The following NFIB variants were observed in gnomAD, a reference collection of about 807,000 sequenced individuals.
NFIB encodes nuclear factor I B.
Under a neutral mutation model 61.5 loss-of-function variants are expected in NFIB, and 11 were observed. That is an observed-to-expected ratio of 0.18 (90% confidence interval 0.11 to 0.30). The LOEUF (loss-of-function observed/expected upper bound fraction) is 0.30. NFIB is among the 10% of genes least tolerant of loss of function. The probability of loss-of-function intolerance (pLI) is 1.00; values close to 1 mark genes in which losing one functional copy is unlikely to be tolerated. For missense variants in NFIB, 471 were observed against 608.9 expected (o/e 0.77, Z 2.38); for synonymous variants, 260 against 216.5 (o/e 1.20, Z -1.76).
intron 6 of NFIB, among the ~76,000 whole-genome samples, chr9:14,133,698 T>C (rs2040670753): frequency 6.6e-6 from 1 of 152,156 alleles, no homozygotes; most frequent in Non-Finnish European, 1.5e-5. Context: ...GAGGAAAGTG[T>C]CCAGGTTATT....
intron 8 of NFIB, among the ~76,000 whole-genome samples, chr9:14,119,917 T>C (rs890332739): frequency 1.3e-5 from 2 of 152,236 alleles, no homozygotes; most frequent in Non-Finnish European, 2.9e-5. Context: ...ACGCTTCTAG[T>C]AATGTCACTC....
chr9:14,316,370 G>T (rs557335222), upstream of NFIB, among the ~76,000 whole-genome samples: 1 of 151,968 alleles, frequency 6.6e-6, no homozygotes, highest in African/African-American at 2.4e-5. Context: ...GGGAGGCCGG[G>T]GACGGGGGCT....
At chr9:14,482,803 T>C in the NFIB span, among the ~76,000 whole-genome samples, 1 of 152,232 alleles carries the variant, frequency 6.6e-6, no homozygotes, top group African/African-American at 2.4e-5. Flanking sequence ...TCTCTAATAA[T>C]GCCTCAGTTT....
At chr9:14,243,001 A>G (rs1284856659) in intron 2 of NFIB, among the ~76,000 whole-genome samples, 1 of 152,230 alleles carries the variant, frequency 6.6e-6, no homozygotes, top group African/African-American at 2.4e-5. Flanking sequence ...ATCTAAACAC[A>G]TCAAGATATA....
At chr9:14,375,443 G>A (rs769277657) in intron 1 of NFIB, among the ~76,000 whole-genome samples, 1 of 152,120 alleles carries the variant, frequency 6.6e-6, no homozygotes, top group Non-Finnish European at 1.5e-5. Context: ...GGATCACAAG[G>A]TCAGCAGTTC....
intron 10 of NFIB, among the ~76,000 whole-genome samples, chr9:14,090,912 C>T (rs1158642470): frequency 6.6e-6 from 1 of 152,000 alleles, no homozygotes; most frequent in Non-Finnish European, 1.5e-5. Flanking sequence ...CTCTCTTACT[C>T]AGTTCTTTAG....
At chr9:14,138,726 A>G (rs1451182638) in intron 6 of NFIB, among the ~76,000 whole-genome samples, 1 of 152,148 alleles carries the variant, frequency 6.6e-6, no homozygotes, top group East Asian at 1.9e-4. Context: ...TTCACTTTAC[A>G]ATTCTACTTT....
intron 3 of NFIB, among the ~76,000 whole-genome samples, chr9:14,173,157 G>A (rs2045759193): frequency 6.6e-6 from 1 of 152,164 alleles, no homozygotes; most frequent in Non-Finnish European, 1.5e-5. Flanking sequence ...CTTTTATCAA[G>A]CACCTGCTAT....
At chr9:14,410,197 C>G in the NFIB span, among the ~76,000 whole-genome samples, 2 of 148,776 alleles carry the variant, frequency 1.3e-5, no homozygotes, top group Admixed American at 1.3e-4. Flanking sequence ...CTACTATTTT[C>G]CAAAAAAAAA....
intron 1 of NFIB, among the ~76,000 whole-genome samples, chr9:14,371,530 T>A (rs1277029393): frequency 1.3e-5 from 2 of 152,168 alleles, no homozygotes; most frequent in Non-Finnish European, 2.9e-5. Context: ...CTCTCCTATG[T>A]CTCAGAAATA....
the NFIB span, among the ~76,000 whole-genome samples, chr9:14,476,812 C>T: frequency 2.8e-4 from 42 of 152,178 alleles, no homozygotes; most frequent in African/African-American, 9.9e-4. Context: ...AAGACCAGGA[C>T]CATTTCTCAG....
intron 6 of NFIB, among the ~76,000 whole-genome samples, chr9:14,139,139 G>A (rs547900093): frequency 6.6e-6 from 1 of 152,122 alleles, no homozygotes; most frequent in East Asian, 1.9e-4. Context: ...GCAGGCTGCA[G>A]GATAACAGAA....
intron 1 of NFIB, among the ~76,000 whole-genome samples, chr9:14,376,517 C>CTTTTTTTTTTTTTTTTTTTTTTTT (rs781462864): frequency 7.8e-6 from 1 of 128,430 alleles, no homozygotes. Flanking sequence ...CTAAAAGTGT[C>CTTTTTTTTTTTTTTTTTTTTTTTT]ATTTTTTTTT....
chr9:14,438,011 A>AGTGTGTGT, the NFIB span, among the ~76,000 whole-genome samples: 5 of 150,118 alleles, frequency 3.3e-5, no homozygotes, highest in African/African-American at 9.8e-5. Flanking sequence ...CCCCCATCCT[A>AGTGTGTGT]GTGTGTGTGT....
rs536887899 is a variant in NFIB at position 14,290,591 on chromosome 9, C to T, written c.562+16398G>A. Among the ~76,000 whole-genome samples, 13 of 152,134 alleles carry T rather than the reference C, an allele frequency of 8.5e-5. No homozygotes were observed. In the South Asian group the frequency reaches 2.5e-3, roughly 29 times the overall value. ...AACATTAAAACTCACAGCAAGATTC[C>T]AGAATACGTGCTATTGCTAATACAG... On this transcript the variant is annotated intron_variant, in intron 2 of 10. Transcript: ENST00000380953.
chr9:14,424,988 GC>G, the NFIB span, among the ~76,000 whole-genome samples: 1 of 152,170 alleles, frequency 6.6e-6, no homozygotes, highest in African/African-American at 2.4e-5. Flanking sequence ...CCCCCCCTGG[GC>G]CTTTGCTCTA....
rs764130163 is a variant in NFIB, at chr9:14,150,013, A to G, written c.806+132T>C. The stretch of plus-strand genomic sequence containing the variant: ...CAAATAAATTTAACCAGGAAAGATT[A>G]AAAATCTGTGTACTACCAGCAAAAA... On this transcript the variant is annotated intron_variant, in intron 5 of 10. Transcript: ENST00000380953. The G allele has an allele frequency of 5.5e-5, 70 of 1,274,480 alleles. 1 individual carries two copies. The highest frequency in any genetic ancestry group is 2.1e-4 in the Middle Eastern group (1 of 4,870). The allele number at this position is 1,274,480 out of a possible 1,614,324, so 78.9% of individuals were successfully genotyped here.
rs1366410546 is a variant in NFIB at position 14,084,514 on chromosome 9, T to C, written c.*3795A>G. 1.8e-5 allele frequency: 4 copies of C among 225,470 alleles called. No homozygotes were observed. In the East Asian group the frequency reaches 2.6e-4, roughly 14 times the overall value. The allele number at this position is 225,470 out of a possible 1,614,324, so 14.0% of individuals were successfully genotyped here. A position where few individuals can be genotyped will look rare whatever the true frequency, so the allele number is the denominator to read the frequency against. ...TTATGTACAGTCTCCTTCACTGCCT[T>C]TTATTTTTTTCCTTAGACAAGCCTC... On this transcript the variant is annotated 3_prime_UTR_variant, in exon 11 of 11. Transcript: ENST00000380953.
intron 1 of NFIB, among the ~76,000 whole-genome samples, chr9:14,373,157 G>C (rs537331796): frequency 4.6e-5 from 7 of 152,300 alleles, no homozygotes; most frequent in Non-Finnish European, 8.8e-5. Flanking sequence ...AACACCAAAA[G>C]ATTCATTCAC....
Sources: gnomAD v4.1 joint callset for allele counts (sites outside exome capture counted in the v4.1 genomes callset) on GRCh38, gnomAD v4.1.1 for gene constraint, MANE v1.5 for transcripts, NCBI Gene and HGNC (gene_info 2026-07-23, HGNC 2026-07-21) for gene names.